The following CNTN5 variants were observed in gnomAD, a reference collection of about 807,000 sequenced individuals.
CNTN5 encodes contactin-5.
A neutral mutation model predicts 129.1 loss-of-function variants in CNTN5; 77 were observed. The ratio of observed to expected loss-of-function variants is 0.60; its 90% CI spans 0.50 to 0.72. CNTN5 has a LOEUF of 0.72. CNTN5 is among the 30% of genes least tolerant of loss of function. The pLI, the probability that CNTN5 is intolerant of heterozygous loss-of-function variation, is 0.00. For missense variants in CNTN5, 1,478 were observed against 1,328.8 expected, an observed-to-expected ratio of 1.11 and a Z score of -1.75; for synonymous variants, 509 against 465.6, an observed-to-expected ratio of 1.09 and a Z score of -1.20.
chr11:99,591,337 C>CTTTTT lies in CNTN5; in HGVS notation c.55+35082_55+35086dup, dbSNP rs10633238. Among the ~76,000 whole-genome samples the CTTTTT allele has an allele frequency of 4.2e-3, 474 of 113,054 alleles. 18 individuals carry two copies. Among genetic ancestry groups the CTTTTT allele is most frequent in the Middle Eastern group, 0.013 (2 of 156 alleles). The allele number at this position is 113,054 out of a possible 152,430, so 74.2% of individuals were successfully genotyped here. On this transcript the variant is annotated intron_variant, in intron 3 of 24. Coordinates refer to ENST00000524871, the MANE Select transcript of CNTN5 (RefSeq NM_014361.4). ...CTCTTTTTACATGACTCAACAAAACCTTTTTTTTTTTTTTTTTTGAGACAG... is the reference window on the plus strand; with the variant it reads ...CTCTTTTTACATGACTCAACAAAACCTTTTTTTTTTTTTTTTTTTTTTTGAGACAG...
chr11:100,307,524 AAAAAT>A (rs1165296845), intron 20 of CNTN5, among the ~76,000 whole-genome samples: 1 of 151,720 alleles, frequency 6.6e-6, no homozygotes, highest in African/African-American at 2.4e-5. Context: ...TTCAAAAAAA[AAAAAT>A]AGTGTGAAAG....
chr11:99,085,415 C>A (rs1345052490), intron 1 of CNTN5, among the ~76,000 whole-genome samples: 1 of 151,996 alleles, frequency 6.6e-6, no homozygotes, highest in African/African-American at 2.4e-5. Flanking sequence ...AGCTTGAGAT[C>A]CTGAGTTTTT....
Position 99,053,941 on chromosome 11 carries a change from A to C in CNTN5, c.-210+32671A>C, listed in dbSNP as rs12272689. Reference sequence around the variant, plus strand: ...TATCAATCAAATAAGCAGATATTGGATGTTTGTTCCATCTTATTCTAATGT... The same window carrying C: ...TATCAATCAAATAAGCAGATATTGGCTGTTTGTTCCATCTTATTCTAATGT... On this transcript the variant is annotated intron_variant, in intron 1 of 24. Transcript: ENST00000524871. Among the ~76,000 whole-genome samples the C allele has an allele frequency of 6.9e-3, 1,056 of 152,126 alleles. 14 individuals carry two copies. Among genetic ancestry groups the C allele is most frequent in the African/African-American group, 0.024 (983 of 41,554 alleles).
chr11:99,058,212 T>C (rs1864716951), intron 1 of CNTN5, among the ~76,000 whole-genome samples: 2 of 151,984 alleles, frequency 1.3e-5, no homozygotes, highest in African/African-American at 2.4e-5. Context: ...ACTGAGTAGC[T>C]CAACCCTTTG....
At chr11:100,193,748 G>T (rs1591377646) in intron 15 of CNTN5, 85 bp downstream of exon 15, 1 of 1,136,276 alleles carries the variant, frequency 8.8e-7, no homozygotes, top group South Asian at 1.6e-5. Flanking sequence ...GCTATGAAGT[G>T]CTAAGAAAAA....
At chr11:99,642,207 A>G (rs760313146) in intron 3 of CNTN5, among the ~76,000 whole-genome samples, 4 of 152,224 alleles carry the variant, frequency 2.6e-5, no homozygotes, top group Non-Finnish European at 4.4e-5. Flanking sequence ...AATGGCATGA[A>G]TACAGAAAAA....
intron 2 of CNTN5, among the ~76,000 whole-genome samples, chr11:99,542,530 T>C (rs566149912): frequency 6.6e-6 from 1 of 152,330 alleles, no homozygotes; most frequent in African/African-American, 2.4e-5. Context: ...TTACTTTCAA[T>C]GTCAAAACCG....
intron 3 of CNTN5, among the ~76,000 whole-genome samples, chr11:99,677,548 A>T (rs2134690248): frequency 6.6e-6 from 1 of 152,254 alleles, no homozygotes; most frequent in African/African-American, 2.4e-5. Context: ...TGATCTAGTT[A>T]CTTTTGCAAT....
At chr11:100,127,262 G>T (rs1359163362) in intron 13 of CNTN5, among the ~76,000 whole-genome samples, 1 of 151,734 alleles carries the variant, frequency 6.6e-6, no homozygotes, top group Non-Finnish European at 1.5e-5. Flanking sequence ...TCCTTTCTGT[G>T]TTTAGGAATC....
intron 1 of CNTN5, among the ~76,000 whole-genome samples, chr11:99,245,158 TGCTTAG>T (rs1407897646): frequency 5.3e-5 from 8 of 152,096 alleles, no homozygotes; most frequent in African/African-American, 1.9e-4. Context: ...AAATTCAAAG[TGCTTAG>T]GTATATTTTT....
intron 16 of CNTN5, among the ~76,000 whole-genome samples, chr11:100,232,016 T>C (rs371190957): frequency 3.3e-5 from 5 of 152,120 alleles, no homozygotes; most frequent in African/African-American, 1.2e-4. Flanking sequence ...TATCTGGGCA[T>C]GGTGGTGCAC....
At chr11:99,329,115 G>A (rs1319295734) in intron 2 of CNTN5, among the ~76,000 whole-genome samples, 1 of 152,054 alleles carries the variant, frequency 6.6e-6, no homozygotes, top group African/African-American at 2.4e-5. Flanking sequence ...AAATATGTTG[G>A]TGCATTAATA....
At chr11:99,953,104 T>C (rs1241941621) in intron 7 of CNTN5, among the ~76,000 whole-genome samples, 4 of 152,220 alleles carry the variant, frequency 2.6e-5, no homozygotes, top group Non-Finnish European at 5.9e-5. Context: ...TCATTGAACT[T>C]GTTTTCAAAG....
At chr11:99,689,542 A>AAAC (rs1269576468) in intron 3 of CNTN5, among the ~76,000 whole-genome samples, 1 of 150,008 alleles carries the variant, frequency 6.7e-6, no homozygotes, top group East Asian at 2.0e-4. Flanking sequence ...AAAAAAAAAA[A>AAAC]AAAAAAAAAA....
At chr11:99,636,141 C>T (rs1951543016) in intron 3 of CNTN5, among the ~76,000 whole-genome samples, 1 of 151,704 alleles carries the variant, frequency 6.6e-6, no homozygotes, top group Non-Finnish European at 1.5e-5. Context: ...TACCCATATG[C>T]ATATACCAAT....
chr11:99,043,780 T>C (rs11218172), intron 1 of CNTN5, among the ~76,000 whole-genome samples: 2,057 of 152,304 alleles, frequency 0.014, 49 homozygotes, highest in African/African-American at 0.047. Context: ...GGATATAATT[T>C]AGGATATTAG....
intron 9 of CNTN5, among the ~76,000 whole-genome samples, chr11:100,037,178 A>G (rs941106626): frequency 1.1e-4 from 13 of 113,328 alleles, no homozygotes; most frequent in Admixed American, 6.0e-4. Context: ...TTTAGCATGA[A>G]GGTTGTTGAA....
At chr11:99,768,127 G>A (rs1417535080) in intron 3 of CNTN5, among the ~76,000 whole-genome samples, 3 of 152,004 alleles carry the variant, frequency 2.0e-5, no homozygotes, top group African/African-American at 7.2e-5. Context: ...TCTACCATCT[G>A]TCCTTGTAGA....
At chr11:100,077,339 C>T (rs1944171245) in intron 13 of CNTN5, among the ~76,000 whole-genome samples, 1 of 152,044 alleles carries the variant, frequency 6.6e-6, no homozygotes, top group Admixed American at 6.6e-5. Context: ...CAAATATGTG[C>T]CCCACTCATC....
Sources: gnomAD v4.1 joint callset for allele counts (sites outside exome capture counted in the v4.1 genomes callset) on GRCh38, gnomAD v4.1.1 for gene constraint, MANE v1.5 for transcripts, NCBI Gene and HGNC (gene_info 2026-07-23, HGNC 2026-07-21) for gene names.